Variants in ACYP2 observed in about 807,000 individuals in gnomAD.
ACYP2 encodes the protein acylphosphatase-2.
In ACYP2, 12 loss-of-function variants were observed where a neutral mutation model predicts 11.2. The ratio of observed to expected loss-of-function variants is 1.08; its 90% CI spans 0.69 to 1.74. The LOEUF is 1.74. Among genes scored for constraint, ACYP2 ranks in the 40% most tolerant of loss-of-function variants. The pLI is 0.00. For synonymous variants in ACYP2, 43 were observed against 32.2 expected (o/e 1.33, Z -1.13); for missense variants, 134 against 101.9 (o/e 1.31, Z -1.35).
chr2:54,036,379 C>T (rs1674903157), intron 2 of ACYP2, among the ~76,000 whole-genome samples: 2 of 152,230 alleles, frequency 1.3e-5, no homozygotes. Context: ...CAGGCGTGAG[C>T]CACCGCACCC....
At chr2:54,236,362 G>C (rs372296603) in intron 6 of ACYP2, among the ~76,000 whole-genome samples, 41 of 152,134 alleles carry the variant, frequency 2.7e-4, no homozygotes, top group African/African-American at 9.2e-4. Flanking sequence ...TTTACTCGTA[G>C]AATAGTTTTA....
chr2:54,159,548 G>A (rs573491935), intron 6 of ACYP2, among the ~76,000 whole-genome samples: 2 of 152,000 alleles, frequency 1.3e-5, no homozygotes, highest in African/African-American at 2.4e-5. Flanking sequence ...TCATGATAAT[G>A]TTTTCATTCA....
chr2:54,061,190 T>C (rs559109051), intron 4 of ACYP2, among the ~76,000 whole-genome samples: 4 of 152,268 alleles, frequency 2.6e-5, no homozygotes, highest in African/African-American at 9.6e-5. Context: ...TCCTTATTGG[T>C]TTTTTATTTT....
chr2:54,264,900 T>A (rs1440706601), intron 6 of ACYP2, among the ~76,000 whole-genome samples: 1 of 152,200 alleles, frequency 6.6e-6, no homozygotes, highest in African/African-American at 2.4e-5. Context: ...GCATTCTTAT[T>A]CTCAGGAAAG....
Position 54,115,612 on chromosome 2 carries a change from C to T in ACYP2, c.278-19841C>T, listed in dbSNP as rs746362137. The T allele has an allele frequency of 7.1e-6, 11 of 1,558,032 alleles. No individual in the cohort carries two copies. The Admixed American group carries it at 1.9e-4, about 27-fold the overall frequency. On this transcript the variant is annotated intron_variant, in intron 4 of 6. Transcript: ENST00000607452. ...ACAGGCGCGGGGTGCGCCAAGCAGT[C>T]CCATGTGTCCCCTCCCTCTCGCAGC...
chr2:54,187,767 C>A (rs531721949), intron 6 of ACYP2, among the ~76,000 whole-genome samples: 1 of 152,286 alleles, frequency 6.6e-6, no homozygotes, highest in African/African-American at 2.4e-5. Flanking sequence ...CCAAGCTCTC[C>A]TTTGCACTCT....
At chr2:54,211,413 A>G (rs952554122) in intron 6 of ACYP2, among the ~76,000 whole-genome samples, 1 of 152,190 alleles carries the variant, frequency 6.6e-6, no homozygotes, top group Non-Finnish European at 1.5e-5. Flanking sequence ...ATTTTATGTA[A>G]GTTTGATGTG....
At chr2:54,002,826 T>A (rs567897020) in intron 2 of ACYP2, among the ~76,000 whole-genome samples, 1 of 150,914 alleles carries the variant, frequency 6.6e-6, no homozygotes, top group East Asian at 2.0e-4. Flanking sequence ...TAATTTAGTA[T>A]TTTTAGTAGA....
At position 54,115,705 on chromosome 2, in the gene ACYP2, A is replaced by G. The variant is rs369283207; in HGVS notation, c.278-19748A>G. 3.1e-6 allele frequency: 5 copies of G among 1,612,306 alleles called. No individual in the cohort carries two copies. The South Asian group carries it at 3.3e-5, about 11-fold the overall frequency. ...CAGAGGGCTCGCCGCCGCCATGTCT[A>G]CCGCCCAGTCACTCAAATCCGTGGA... On this transcript the variant is annotated intron_variant, in intron 4 of 6. Transcript: ENST00000607452.
intron 4 of ACYP2, among the ~76,000 whole-genome samples, chr2:54,062,800 C>T (rs1412199436): frequency 1.3e-5 from 2 of 152,146 alleles, no homozygotes; most frequent in South Asian, 2.1e-4. Context: ...TTTTAGCTCA[C>T]TTTAGGCAAG....
rs538404311 is a variant in ACYP2 at position 54,004,583 on chromosome 2, T to C, written c.62+30773T>C. On this transcript the variant is annotated intron_variant, in intron 2 of 6. Coordinates refer to ENST00000607452, the MANE Select transcript of ACYP2 (RefSeq NM_001320586.2). ...CTGCAACCATGCCTGGCTAATTTTT[T>C]TGTATTTTTAGTAGAGACGGGTTTC... Among the ~76,000 whole-genome samples the C allele has an allele frequency of 2.4e-4, 37 of 151,882 alleles. No homozygotes were observed. The East Asian group carries it at 6.8e-3, about 28-fold the overall frequency.
At chr2:54,072,134 T>G (rs2103649752) in intron 4 of ACYP2, among the ~76,000 whole-genome samples, 1 of 152,292 alleles carries the variant, frequency 6.6e-6, no homozygotes, top group African/African-American at 2.4e-5. Flanking sequence ...AGTGCAAACC[T>G]GTAATCTGAA....
intron 2 of ACYP2, among the ~76,000 whole-genome samples, chr2:54,036,898 G>A (rs182988599): frequency 1.3e-5 from 2 of 152,136 alleles, no homozygotes; most frequent in East Asian, 1.9e-4. Flanking sequence ...TGGCCCCTGC[G>A]GTCTTCCCTG....
At chr2:54,056,746 T>C (rs1316922823) in intron 3 of ACYP2, among the ~76,000 whole-genome samples, 1 of 152,232 alleles carries the variant, frequency 6.6e-6, no homozygotes, top group African/African-American at 2.4e-5. Context: ...ATGTCATCTG[T>C]ATTTTATTTG....
rs190348610 is a variant in ACYP2 at position 53,983,702 on chromosome 2, A to G, written c.62+9892A>G. ...GATTTTTTCCGAAAAGCTGCTTCAG[A>G]TATATCAATACAGTGCTATGGGTAG... On this transcript the variant is annotated intron_variant, in intron 2 of 6. Transcript: ENST00000607452. Among the ~76,000 whole-genome samples the G allele has an allele frequency of 4.4e-4, 67 of 152,320 alleles. No individual in the cohort carries two copies. The Middle Eastern group carries it at 0.027, about 62-fold the overall frequency.
chr2:54,206,356 G>A (rs1685069825), intron 6 of ACYP2, among the ~76,000 whole-genome samples: 1 of 152,120 alleles, frequency 6.6e-6, no homozygotes, highest in African/African-American at 2.4e-5. Flanking sequence ...CACCATTGCT[G>A]GTCGTGCTTG....
chr2:54,165,828 A>C (rs1216299937), intron 6 of ACYP2, among the ~76,000 whole-genome samples: 1 of 152,102 alleles, frequency 6.6e-6, no homozygotes, highest in African/African-American at 2.4e-5. Context: ...GCGGAAATCT[A>C]AGGAGTTTAT....
chr2:53,975,956 G>A (rs1369629999), intron 2 of ACYP2, among the ~76,000 whole-genome samples: 1 of 152,152 alleles, frequency 6.6e-6, no homozygotes, highest in Non-Finnish European at 1.5e-5. Flanking sequence ...AAAATGCAGT[G>A]GCCCTTCAAA....
chr2:54,293,811 A>T (rs1216193500), intron 6 of ACYP2, among the ~76,000 whole-genome samples: 3 of 152,230 alleles, frequency 2.0e-5, no homozygotes, highest in African/African-American at 7.2e-5. Context: ...TGAACTCACT[A>T]ATCAAGGGCT....
Sources: allele counts gnomAD v4.1 joint callset (sites outside exome capture counted in the v4.1 genomes callset), GRCh38; gene constraint gnomAD v4.1.1; transcripts MANE v1.5; gene names NCBI Gene and HGNC (gene_info 2026-07-23, HGNC 2026-07-21).